SARDH: variants seen among roughly 807,000 people sequenced by gnomAD.
SARDH encodes sarcosine dehydrogenase.
In SARDH, 95 loss-of-function variants were observed where a neutral mutation model predicts 109.1. The ratio of observed to expected loss-of-function variants is 0.87; its 90% confidence interval spans 0.74 to 1.03. SARDH has a LOEUF of 1.03. SARDH is among the 50% of genes least tolerant of loss of function. The pLI, the probability that SARDH is intolerant of heterozygous loss-of-function variation, is 0.00. For missense variants in SARDH, 1,267 were observed against 1,287.8 expected, an observed-to-expected ratio of 0.98 and a Z score of 0.25; for synonymous variants, 572 against 534.8, an observed-to-expected ratio of 1.07 and a Z score of -0.96.
At chr9:133,668,407 CCTCCCT>C (rs1222246040) in intron 19 of SARDH, among the ~76,000 whole-genome samples, 1 of 67,482 alleles carries the variant, frequency 1.5e-5, no homozygotes, top group Non-Finnish European at 3.1e-5. Flanking sequence ...CTCCCTTCAC[CCTCCCT>C]CTCCCTCTCC....
chr9:133,708,178 C>T (rs537223404), intron 11 of SARDH, 109 bp downstream of exon 11: 8 of 1,329,864 alleles, frequency 6.0e-6, no homozygotes, highest in African/African-American at 2.9e-5. Context: ...ACCTTGTCAC[C>T]GCACCTGACC....
At position 133,731,492 on chromosome 9, in the gene SARDH, G is replaced by C. The variant is rs944268418; in HGVS notation, c.511-8C>G. 4.3e-6 allele frequency: 7 copies of C among 1,613,628 alleles called. No homozygotes were observed. In the African/African-American group the frequency reaches 5.3e-5, roughly 12 times the overall value. On this transcript the variant is annotated splice_region_variant and splice_polypyrimidine_tract_variant and intron_variant, in intron 3 of 20. Coordinates refer to ENST00000439388, the MANE Select transcript of SARDH (RefSeq NM_001134707.2). ...ACCATACGCCTTGCCCAGCTAGGGGGACCCAGGGGAGGTTAACTGAGTCCG... is the reference window on the plus strand; with the variant it reads ...ACCATACGCCTTGCCCAGCTAGGGGCACCCAGGGGAGGTTAACTGAGTCCG...
intron 6 of SARDH, among the ~76,000 whole-genome samples, chr9:133,720,682 T>C (rs1345247353): frequency 2.6e-5 from 4 of 152,148 alleles, no homozygotes; most frequent in East Asian, 1.9e-4. Context: ...ACTCCCTTTA[T>C]AAAACCATCA....
In SARDH at chr9:133,690,402, T is replaced by A. The variant is rs1209364086; in HGVS notation, c.2047A>T (p.Ile683Phe). ...CACCTGGCTGGGCCCTGGATACTGA[T>A]CATACCCAGGTCCTCGGAGCTGTCG... ...LIDSSEDLGM[I>F]SIQGPASRAI... The change falls in exon 16 of 21, where the codon ATC becomes TTC. Residue 683 changes from isoleucine to phenylalanine, a missense_variant. Coordinates refer to ENST00000439388, the MANE Select transcript of SARDH (RefSeq NM_001134707.2). 1.9e-6 allele frequency: 3 copies of A among 1,613,020 alleles called. No homozygotes were observed. The highest frequency in any genetic ancestry group is 2.5e-6 in the Non-Finnish European group (3 of 1,179,848).
chr9:133,669,985 G>T (rs543719914), intron 19 of SARDH, among the ~76,000 whole-genome samples: 102 of 152,280 alleles, frequency 6.7e-4, no homozygotes, highest in Middle Eastern at 3.4e-3. Context: ...ACCTCCCCAC[G>T]GGCCCTGCTG....
intron 17 of SARDH, among the ~76,000 whole-genome samples, chr9:133,680,478 C>T (rs912520147): frequency 6.6e-6 from 1 of 152,216 alleles, no homozygotes; most frequent in Admixed American, 6.5e-5. Flanking sequence ...CACCTGGGAG[C>T]GCGTGGCCCT....
intron 17 of SARDH, among the ~76,000 whole-genome samples, chr9:133,679,593 G>A (rs912133455): frequency 7.2e-5 from 11 of 152,202 alleles, no homozygotes; most frequent in Non-Finnish European, 1.6e-4. Context: ...CACGCCGGGA[G>A]AGCACTGACC....
chr9:133,720,850 G>C (rs1324496029), intron 6 of SARDH, among the ~76,000 whole-genome samples: 2 of 152,172 alleles, frequency 1.3e-5, no homozygotes, highest in African/African-American at 4.8e-5. Context: ...CAGAGTGACA[G>C]ACAGTGCTAT....
At chr9:133,668,367 CCCTCATTCTCCCTCAG>C (rs1830162522) in intron 19 of SARDH, among the ~76,000 whole-genome samples, 2 of 111,644 alleles carry the variant, frequency 1.8e-5, no homozygotes, top group South Asian at 7.4e-4. Flanking sequence ...CTCTCCCTCA[CCCTCATTCTCCCTCAG>C]CCTCCCTCTC....
At chr9:133,737,748 C>T (rs116423373) in intron 1 of SARDH, among the ~76,000 whole-genome samples, 2,890 of 152,318 alleles carry the variant, frequency 0.019, 105 homozygotes, top group African/African-American at 0.065. Context: ...GCGGCCCCAG[C>T]GGGGACAGCC....
intron 17 of SARDH, among the ~76,000 whole-genome samples, chr9:133,684,353 G>A (rs971023097): frequency 7.9e-5 from 12 of 152,244 alleles, no homozygotes; most frequent in African/African-American, 1.9e-4. Context: ...AGAGCCGCCC[G>A]CACTATGGCG....
At chr9:133,662,860 G>A (rs576242016), downstream of SARDH, among the ~76,000 whole-genome samples, 5 of 152,344 alleles carry the variant, frequency 3.3e-5, no homozygotes, top group South Asian at 1.0e-3. The surrounding 1 kb of genome is among the most constrained non-coding windows in gnomAD (Gnocchi z 5.1). Context: ...GGCTCGGGGG[G>A]ACAAGGGAGG....
intron 17 of SARDH, among the ~76,000 whole-genome samples, chr9:133,681,802 A>G (rs129896): frequency 0.47 from 71,868 of 151,948 alleles, 19,229 homozygotes; most frequent in African/African-American, 0.74. Context: ...CGTGTTTCCC[A>G]GCAGCTGGGC....
intron 11 of SARDH, 100 bp downstream of exon 11, chr9:133,708,187 C>T: frequency 1.4e-6 from 2 of 1,390,310 alleles, no homozygotes; most frequent in Middle Eastern, 2.0e-4. Context: ...CCGCACCTGA[C>T]CTGCGGTTGG....
At chr9:133,735,480 G>A (rs546925042) in intron 1 of SARDH, among the ~76,000 whole-genome samples, 1 of 152,350 alleles carries the variant, frequency 6.6e-6, no homozygotes, top group Non-Finnish European at 1.5e-5. Context: ...GAAGACGGAT[G>A]TCTCCTTGGG....
chr9:133,702,700 G>C (rs1831534242), intron 13 of SARDH, among the ~76,000 whole-genome samples: 2 of 152,112 alleles, frequency 1.3e-5, no homozygotes, highest in South Asian at 4.1e-4. Flanking sequence ...GCTCAGGCCT[G>C]GCTGCTGGCA....
intron 11 of SARDH, among the ~76,000 whole-genome samples, chr9:133,706,246 T>TATG (rs1831693482): frequency 1.1e-5 from 1 of 90,524 alleles, no homozygotes; most frequent in Non-Finnish European, 2.5e-5. Flanking sequence ...CAAAGCATGG[T>TATG]CTGCATACAC....
In SARDH at chr9:133,692,051, A is replaced by C. The variant is rs1320096637; in HGVS notation, c.1922-1524T>G. 6.6e-6 allele frequency among the ~76,000 whole-genome samples: 1 copy of C among 152,124 alleles called. No homozygotes were observed. The highest frequency in any genetic ancestry group is 1.5e-5 in the Non-Finnish European group (1 of 68,008). On this transcript the variant is annotated intron_variant, in intron 15 of 20. Coordinates refer to ENST00000439388, the MANE Select transcript of SARDH (RefSeq NM_001134707.2). This position sits in a 1 kb window ranked among gnomAD's most constrained non-coding sequence, Gnocchi z 5.0. ...AGCACTTTCCTGACAGCTTCCCCTT[A>C]TGAGGGGGGACGAGCAAGGTCCTCA... is the stretch of plus-strand genomic sequence containing the variant.
downstream of SARDH, chr9:133,663,457 C>G (rs1829950175): frequency 4.1e-6 from 1 of 243,498 alleles, no homozygotes; most frequent in Non-Finnish European, 8.0e-6. Flanking sequence ...CCTCTCTTTC[C>G]TGACCCAGAC....
Sources: gnomAD v4.1 joint callset for allele counts (sites outside exome capture counted in the v4.1 genomes callset) on GRCh38, gnomAD v4.1.1 for gene constraint, Gnocchi (gnomAD v3.1) non-coding constraint, MANE v1.5 for transcripts, NCBI Gene and HGNC (gene_info 2026-07-23, HGNC 2026-07-21) for gene names.